The following ERC1 variants were observed in gnomAD, a reference collection of about 807,000 sequenced individuals.
ERC1 encodes RAB6 interacting protein 2.
Under a neutral mutation model 132.0 loss-of-function variants are expected in ERC1, and 56 were observed. The ratio of observed to expected loss-of-function variants is 0.42; its 90% CI spans 0.34 to 0.53. The LOEUF is 0.53. ERC1 is among the 20% of genes least tolerant of loss of function. ERC1 has a pLI of 0.03. For missense variants in ERC1, 1,202 were observed against 1,349.9 expected (o/e 0.89, Z 1.72); for synonymous variants, 478 against 476.1 (o/e 1.00, Z -0.05).
chr12:1,002,038 T>G (rs944557706), intron 1 of ERC1, among the ~76,000 whole-genome samples: 6 of 151,612 alleles, frequency 4.0e-5, no homozygotes, highest in Admixed American at 3.3e-4. Flanking sequence ...TTTTTTGTAT[T>G]TTAAGTAGAG....
At chr12:1,312,174 T>A (rs1355289584) in intron 15 of ERC1, among the ~76,000 whole-genome samples, 11 of 152,192 alleles carry the variant, frequency 7.2e-5, no homozygotes, top group Admixed American at 7.2e-4. Flanking sequence ...ATCAGTGGTA[T>A]GATCACATAC....
In ERC1 at chr12:1,490,317, C is replaced by A; in HGVS notation, c.*87C>A. The stretch of plus-strand genomic sequence containing the variant: ...GAACAGGTGCCCGGAACCTTCTTGG[C>A]ACCAAACACTACAAACTTCATCCCA... On this transcript the variant is annotated 3_prime_UTR_variant, in exon 19 of 19. Coordinates refer to ENST00000360905, the MANE Select transcript of ERC1 (RefSeq NM_178040.4). 9 of 1,336,182 alleles carry A rather than the reference C, an allele frequency of 6.7e-6. No individual in the cohort carries two copies. Among genetic ancestry groups the A allele is most frequent in the Non-Finnish European group, 9.3e-6 (9 of 970,344 alleles). 82.8% of individuals were successfully genotyped at this position (1,336,182 alleles called of 1,614,324 possible).
At chr12:1,075,502 C>T (rs1188871516) in intron 2 of ERC1, among the ~76,000 whole-genome samples, 1 of 152,092 alleles carries the variant, frequency 6.6e-6, no homozygotes, top group Non-Finnish European at 1.5e-5. Flanking sequence ...ACCATCCCGG[C>T]CAATATGGTG....
At position 1,280,613 on chromosome 12, in the gene ERC1, C is replaced by T. The variant is rs971322005; in HGVS notation, c.2620-9239C>T. Reference sequence around the variant, plus strand: ...ATTATCCCCACAAGTATCCACTCACCACCTCACATTGAGATAAGTATTTGC... The same window carrying T: ...ATTATCCCCACAAGTATCCACTCACTACCTCACATTGAGATAAGTATTTGC... On this transcript the variant is annotated intron_variant, in intron 14 of 18. Transcript: ENST00000360905. Among the ~76,000 whole-genome samples, 3 of 152,264 alleles carry T rather than the reference C, an allele frequency of 2.0e-5. No individual in the cohort carries two copies. The South Asian group carries it at 6.2e-4, about 32-fold the overall frequency.
intron 16 of ERC1, among the ~76,000 whole-genome samples, chr12:1,376,677 T>G (rs2087960249): frequency 6.6e-6 from 1 of 152,238 alleles, no homozygotes. Flanking sequence ...CTCTTCTCAC[T>G]GTCACCATCT....
At position 1,243,495 on chromosome 12, in the gene ERC1, GGGAT is replaced by G. The variant is rs537081863; in HGVS notation, c.2487+6593_2487+6596del. On this transcript the variant is annotated intron_variant, in intron 13 of 18. Transcript: ENST00000360905. ...TGAGAGATACTGAGGTCCTACTGTA[GGGAT>G]GTAATGAAACGTGAGAGATGCTATA... Among the ~76,000 whole-genome samples, 419 of 152,200 alleles carry G rather than the reference GGGAT, an allele frequency of 2.8e-3. 3 individuals are homozygous for G. Among genetic ancestry groups the G allele is most frequent in the Middle Eastern group, 0.017 (5 of 292 alleles).
intron 17 of ERC1, chr12:1,410,489 T>A: frequency 9.6e-7 from 1 of 1,039,574 alleles, no homozygotes; most frequent in Non-Finnish European, 1.3e-6. Flanking sequence ...AGAAATGGTT[T>A]TTGTTTGTTT....
chr12:999,769 A>T (rs868142945), intron 1 of ERC1, among the ~76,000 whole-genome samples: 15 of 151,994 alleles, frequency 9.9e-5, no homozygotes, highest in African/African-American at 3.6e-4. Flanking sequence ...CTAATTTTGT[A>T]TTTTTAGTAG....
chr12:1,236,978 C>T (rs1328145794), intron 13 of ERC1, 74 bp downstream of exon 13: 2 of 1,529,484 alleles, frequency 1.3e-6, no homozygotes, highest in Admixed American at 3.6e-5. Context: ...TTTTTCTCTT[C>T]ATCTTTATCC....
chr12:1,438,134 TA>T (rs2092996827), intron 17 of ERC1, among the ~76,000 whole-genome samples: 1 of 152,210 alleles, frequency 6.6e-6, no homozygotes, highest in Non-Finnish European at 1.5e-5. Flanking sequence ...TAGCTGTGTT[TA>T]AATAAGAACA....
chr12:1,128,013 G>A (rs893437994), intron 7 of ERC1, among the ~76,000 whole-genome samples: 1 of 152,208 alleles, frequency 6.6e-6, no homozygotes, highest in African/African-American at 2.4e-5. Context: ...CCTTGGCTTT[G>A]ATTTTGTGGA....
intron 17 of ERC1, among the ~76,000 whole-genome samples, chr12:1,418,607 CTTTCTTTCTTTCTTTCTTTCTT>C (rs2092255939): frequency 1.0e-5 from 1 of 98,854 alleles, no homozygotes; most frequent in African/African-American, 6.4e-5. Flanking sequence ...TTCTTTCTTT[CTTTCTTTCTTTCTTTCTTTCTT>C]TCTTTCTTTC....
At chr12:1,351,783 T>C (rs777313951) in intron 15 of ERC1, among the ~76,000 whole-genome samples, 35 of 152,292 alleles carry the variant, frequency 2.3e-4, no homozygotes, top group Non-Finnish European at 2.2e-4. Context: ...ATCAGATCAT[T>C]TATTTTCTTA....
chr12:1,211,866 G>A (rs1259362444), intron 12 of ERC1, among the ~76,000 whole-genome samples: 3 of 151,948 alleles, frequency 2.0e-5, no homozygotes, highest in Admixed American at 6.6e-5. Context: ...CTCTGTGTCC[G>A]GCCATAATCA....
intron 14 of ERC1, 59 bp downstream of exon 14, chr12:1,263,224 AC>A: frequency 6.4e-7 from 1 of 1,558,012 alleles, no homozygotes; most frequent in Non-Finnish European, 8.8e-7. Flanking sequence ...GTAACACACA[AC>A]CAGTATAGTT....
chr12:1,275,128 A>C (rs1409250787), intron 14 of ERC1, among the ~76,000 whole-genome samples: 1 of 152,310 alleles, frequency 6.6e-6, no homozygotes, highest in South Asian at 2.1e-4. Context: ...TTTTATCTCA[A>C]CCACAGTGGT....
At chr12:1,002,155 CCCGG>C (rs1212778230) in intron 1 of ERC1, among the ~76,000 whole-genome samples, 2 of 130,402 alleles carry the variant, frequency 1.5e-5, no homozygotes, top group African/African-American at 5.6e-5. Flanking sequence ...AGCCACCATG[CCCGG>C]CTTTTTTTTT....
chr12:1,447,247 G>C (rs2093325820), intron 18 of ERC1, among the ~76,000 whole-genome samples: 1 of 152,164 alleles, frequency 6.6e-6, no homozygotes, highest in African/African-American at 2.4e-5. Context: ...ACTGGGCACA[G>C]TGGCTCCCAC....
At chr12:1,377,689 A>G (rs746655171) in intron 16 of ERC1, among the ~76,000 whole-genome samples, 9 of 152,198 alleles carry the variant, frequency 5.9e-5, no homozygotes, top group Non-Finnish European at 1.2e-4. Flanking sequence ...AAATGGCTGT[A>G]TATCATCTAT....
Sources: gnomAD v4.1 joint callset for allele counts (sites outside exome capture counted in the v4.1 genomes callset) on GRCh38, gnomAD v4.1.1 for gene constraint, MANE v1.5 for transcripts, NCBI Gene and HGNC (gene_info 2026-07-23, HGNC 2026-07-21) for gene names.